The following NALF1 variants were observed in gnomAD, a reference collection of about 807,000 sequenced individuals.
NALF1 encodes the protein NALCN channel auxiliary factor 1.
NALF1 carries 3 observed loss-of-function variants against 48.4 expected under a neutral mutation model. The observed-to-expected ratio is 0.06, with a 90% CI of 0.03 to 0.16. The LOEUF (loss-of-function observed/expected upper bound fraction) is 0.16. Ranked by LOEUF, NALF1 falls within the 10% of genes least tolerant of loss-of-function variation. NALF1 has a pLI of 1.00. For missense variants in NALF1, 526 were observed against 571.5 expected, an observed-to-expected ratio of 0.92 and a Z score of 0.81; for synonymous variants, 262 against 245.7, an observed-to-expected ratio of 1.07 and a Z score of -0.62.
intron 1 of NALF1, among the ~76,000 whole-genome samples, chr13:107,825,809 C>A (rs1008383290): frequency 1.3e-5 from 2 of 150,978 alleles, no homozygotes; most frequent in African/African-American, 5.0e-5. Context: ...GTGAGGCAGT[C>A]TCGCTCTGTC....
chr13:107,552,847 T>G (rs1412872624), intron 1 of NALF1, among the ~76,000 whole-genome samples: 2 of 152,188 alleles, frequency 1.3e-5, no homozygotes, highest in Non-Finnish European at 2.9e-5. Context: ...AAAAGATGTG[T>G]GCTTTACCAG....
chr13:107,578,739 T>C (rs1175621670), intron 1 of NALF1, among the ~76,000 whole-genome samples: 1 of 152,208 alleles, frequency 6.6e-6, no homozygotes, highest in Non-Finnish European at 1.5e-5. Context: ...TAAATACTGC[T>C]AATCTTCTAA....
At chr13:107,352,764 G>A (rs1034916517) in intron 1 of NALF1, among the ~76,000 whole-genome samples, 2 of 152,074 alleles carry the variant, frequency 1.3e-5, no homozygotes, top group African/African-American at 4.8e-5. Context: ...TCACAATGAA[G>A]GTTCTTCTAA....
At chr13:107,629,628 T>G (rs374939692) in intron 1 of NALF1, among the ~76,000 whole-genome samples, 2 of 52,040 alleles carry the variant, frequency 3.8e-5, no homozygotes, top group Admixed American at 3.2e-4. Context: ...TCTCACTTTT[T>G]ATCTTGTCAG....
At position 107,210,775 on chromosome 13, in the gene NALF1, G is replaced by T. The variant is rs755495718; in HGVS notation, c.916-20C>A. The T allele has an allele frequency of 6.3e-7, 1 of 1,577,298 alleles. No homozygotes were observed. The highest frequency in any genetic ancestry group is 1.7e-5 in the Admixed American group (1 of 59,846). On this transcript the variant is annotated intron_variant, in intron 1 of 2. Coordinates refer to ENST00000375915, the MANE Select transcript of NALF1 (RefSeq NM_001080396.3). ...GACAATCTGAAAAAAAGAGAAGAAT[G>T]AAAAATATAGAGGCGTGACAACAGT...
At chr13:107,277,279 T>C (rs937442684) in intron 1 of NALF1, among the ~76,000 whole-genome samples, 2 of 152,190 alleles carry the variant, frequency 1.3e-5, no homozygotes, top group Non-Finnish European at 2.9e-5. Flanking sequence ...TATAAATAAT[T>C]ATCCTAATTA....
At position 107,581,444 on chromosome 13, in the gene NALF1, C is replaced by A. The variant is rs187613157; in HGVS notation, c.915+284238G>T. ...CTTGAAAGCATAATATAGTGTTTAT[C>A]TGTTCTGTCTAGAGGAAAGCAATCA... On this transcript the variant is annotated intron_variant, in intron 1 of 2. Transcript: ENST00000375915. Among the ~76,000 whole-genome samples the A allele has an allele frequency of 1.6e-4, 24 of 152,218 alleles. 1 individual carries two copies. Among genetic ancestry groups the A allele is most frequent in the African/African-American group, 5.8e-4 (24 of 41,540 alleles).
rs145464442 is a variant in NALF1, at chr13:107,212,866, A to G, written c.916-2111T>C. ...GCTTTCCGCACATTTCTGGGATTCT[A>G]AAGTCTAGAGTTGCCTGTTTTTCTT... On this transcript the variant is annotated intron_variant, in intron 1 of 2. Transcript: ENST00000375915. Among the ~76,000 whole-genome samples, 286 of 152,280 alleles carry G rather than the reference A, an allele frequency of 1.9e-3. 9 individuals are homozygous for G. In the East Asian group the frequency reaches 0.048, roughly 25 times the overall value.
chr13:107,653,655 G>C (rs148364950), intron 1 of NALF1, among the ~76,000 whole-genome samples: 56 of 151,864 alleles, frequency 3.7e-4, no homozygotes, highest in Admixed American at 2.6e-3. Context: ...AAAAGAACAG[G>C]AATCTATGAG....
At chr13:107,579,856 A>G (rs1342806732) in intron 1 of NALF1, among the ~76,000 whole-genome samples, 1 of 151,938 alleles carries the variant, frequency 6.6e-6, no homozygotes, top group African/African-American at 2.4e-5. Flanking sequence ...GTGGGACTGT[A>G]AACTAGTTCA....
intron 1 of NALF1, among the ~76,000 whole-genome samples, chr13:107,382,098 G>T (rs1184462649): frequency 6.6e-6 from 1 of 152,116 alleles, no homozygotes; most frequent in African/African-American, 2.4e-5. Flanking sequence ...CTGGGCTTCT[G>T]AAAGTACCCC....
chr13:107,633,793 T>A (rs1235034174), intron 1 of NALF1, among the ~76,000 whole-genome samples: 2 of 147,736 alleles, frequency 1.4e-5, no homozygotes, highest in African/African-American at 4.9e-5. Flanking sequence ...ATATATATAT[T>A]CTATATATAT....
intron 1 of NALF1, among the ~76,000 whole-genome samples, chr13:107,575,474 T>A (rs769163306): frequency 7.9e-5 from 12 of 152,142 alleles, no homozygotes; most frequent in Non-Finnish European, 1.2e-4. Context: ...CCTGACCTGG[T>A]TCTTCTATAC....
At chr13:107,485,613 A>C (rs1275196434) in intron 1 of NALF1, among the ~76,000 whole-genome samples, 1 of 152,142 alleles carries the variant, frequency 6.6e-6, no homozygotes, top group African/African-American at 2.4e-5. Context: ...TGCCTCATTT[A>C]TTTCTATATT....
chr13:107,489,087 G>A (rs1268749570), intron 1 of NALF1, among the ~76,000 whole-genome samples: 2 of 152,004 alleles, frequency 1.3e-5, no homozygotes, highest in South Asian at 2.1e-4. Flanking sequence ...ATCTCTCCAA[G>A]GAGAACTACA....
chr13:107,865,631 A>G, intron 1 of NALF1, 51 bp downstream of exon 1: 1 of 1,571,412 alleles, frequency 6.4e-7, no homozygotes, highest in Non-Finnish European at 8.6e-7. Context: ...CACCCCAACC[A>G]AGCAGAGATA....
At chr13:107,824,400 A>G (rs1219348908) in intron 1 of NALF1, among the ~76,000 whole-genome samples, 2 of 152,188 alleles carry the variant, frequency 1.3e-5, no homozygotes, top group Non-Finnish European at 2.9e-5. Context: ...GAATTTCCCT[A>G]AAGCTATTTT....
At chr13:107,814,578 CTAGAGA>C (rs1047218112) in intron 1 of NALF1, among the ~76,000 whole-genome samples, 45 of 152,050 alleles carry the variant, frequency 3.0e-4, no homozygotes, top group African/African-American at 1.1e-3. Context: ...GAAGAAGTTA[CTAGAGA>C]TAAAGAGGGA....
intron 1 of NALF1, among the ~76,000 whole-genome samples, chr13:107,293,966 A>C (rs1395478896): frequency 1.3e-5 from 2 of 152,238 alleles, no homozygotes; most frequent in Admixed American, 1.3e-4. Flanking sequence ...AAGATAAAAC[A>C]AGGGAGGATT....
Sources: allele counts gnomAD v4.1 joint callset (sites outside exome capture counted in the v4.1 genomes callset), GRCh38; gene constraint gnomAD v4.1.1; transcripts MANE v1.5; gene names NCBI Gene and HGNC (gene_info 2026-07-23, HGNC 2026-07-21).